The following DPYSL5 variants were observed in gnomAD, a reference collection of about 807,000 sequenced individuals.
DPYSL5 encodes the protein dihydropyrimidinase like 5, also known as dihydropyrimidinase-related protein 5.
A neutral mutation model predicts 58.4 loss-of-function variants in DPYSL5; 9 were observed. The ratio of observed to expected loss-of-function variants is 0.15; its 90% CI spans 0.09 to 0.27. DPYSL5 has a LOEUF of 0.27. DPYSL5 is among the 10% of genes least tolerant of loss of function. The pLI is 1.00. For missense variants in DPYSL5, 499 were observed against 770.6 expected (o/e 0.65, Z 4.17); for synonymous variants, 293 against 301.9 (o/e 0.97, Z 0.31).
In DPYSL5 at chr2:26,941,185, G is replaced by A. The variant is rs144633042; in HGVS notation, c.1090-765G>A. ...GATCTCTTGACCTCGTGATCCGCCC[G>A]TCTTGGCCTCCCAAAGTGCTGGGAT... On this transcript the variant is annotated intron_variant, in intron 9 of 12. Coordinates refer to ENST00000288699, the MANE Select transcript of DPYSL5 (RefSeq NM_020134.4). Among the ~76,000 whole-genome samples, 525 of 152,056 alleles carry A rather than the reference G, an allele frequency of 3.5e-3. 2 individuals carry two copies. The highest frequency in any genetic ancestry group is 0.012 in the African/African-American group (493 of 41,492).
chr2:26,946,819 C>A, intron 12 of DPYSL5, 91 bp from the exon 13 acceptor site: 1 of 934,166 alleles, frequency 1.1e-6, no homozygotes, highest in Non-Finnish European at 1.7e-6. Context: ...TCACTCAGGC[C>A]ATGCACACAG....
In DPYSL5 at chr2:26,940,157, C is replaced by A; in HGVS notation, c.1074C>A (p.Ile358=). 1 of 1,614,106 alleles carries A rather than the reference C, an allele frequency of 6.2e-7. No homozygotes were observed. Among genetic ancestry groups the A allele is most frequent in the Non-Finnish European group, 8.5e-7 (1 of 1,180,024 alleles). The change falls in exon 9 of 13, where the codon ATC becomes ATA. Residue 358 remains isoleucine, a synonymous_variant. Coordinates refer to ENST00000288699, the MANE Select transcript of DPYSL5 (RefSeq NM_020134.4). ...GCGTGCAGGACCGCATGAGCGTCATCTGGGAGAGAGGAGTGGTATGTTTCC... is the reference window on the plus strand; with the variant it reads ...GCGTGCAGGACCGCATGAGCGTCATATGGGAGAGAGGAGTGGTATGTTTCC... ...VSGVQDRMSV[I]WERGVVGGKM...
chr2:26,920,056 A>G (rs536553583), intron 2 of DPYSL5, among the ~76,000 whole-genome samples: 1 of 152,308 alleles, frequency 6.6e-6, no homozygotes, highest in East Asian at 1.9e-4. Flanking sequence ...TAAATTTTTA[A>G]ATGTTATGTG....
chr2:26,888,418 G>A (rs1663784712), intron 1 of DPYSL5, among the ~76,000 whole-genome samples: 1 of 151,898 alleles, frequency 6.6e-6, no homozygotes, highest in African/African-American at 2.4e-5. Flanking sequence ...TTACAGGTGC[G>A]TGGCACCATG....
intron 1 of DPYSL5, among the ~76,000 whole-genome samples, chr2:26,892,756 T>TGAGAGAGAGAGAGA (rs144430871): frequency 0.039 from 5,412 of 138,544 alleles, 167 homozygotes; most frequent in Non-Finnish European, 0.05. Context: ...TGGGTTTGTT[T>TGAGAGAGAGAGAGA]GAGAGAGAGA....
At chr2:26,936,984 C>T (rs192668477) in intron 8 of DPYSL5, among the ~76,000 whole-genome samples, 62 of 119,350 alleles carry the variant, frequency 5.2e-4, no homozygotes, top group Non-Finnish European at 9.0e-4. Context: ...AAGAATCAAC[C>T]TCCTTTTCAT....
intron 1 of DPYSL5, among the ~76,000 whole-genome samples, chr2:26,864,150 T>C (rs889367384): frequency 6.6e-6 from 1 of 152,092 alleles, no homozygotes; most frequent in African/African-American, 2.4e-5. Flanking sequence ...GAAGCTAAGG[T>C]GGAAGGATCA....
chr2:26,910,616 C>CTTTT (rs34929540), intron 2 of DPYSL5, among the ~76,000 whole-genome samples: 25 of 118,484 alleles, frequency 2.1e-4, no homozygotes, highest in African/African-American at 3.5e-4. Flanking sequence ...TCTTCTTCTT[C>CTTTT]TTTTTTTTTT....
rs551945001 is a variant in DPYSL5 at position 26,855,498 on chromosome 2, G to A, written c.-5+7244G>A. Among the ~76,000 whole-genome samples, 4 of 152,246 alleles carry A rather than the reference G, an allele frequency of 2.6e-5. No individual in the cohort carries two copies. The South Asian group carries it at 6.2e-4, about 24-fold the overall frequency. ...TGACTAGATTCTTTTGGAAAGAAAG[G>A]AGAACTTCTGCATTCTGAATTGTGC... On this transcript the variant is annotated intron_variant, in intron 1 of 12. Coordinates refer to ENST00000288699, the MANE Select transcript of DPYSL5 (RefSeq NM_020134.4).
chr2:26,900,717 C>T (rs2148138626), intron 2 of DPYSL5, among the ~76,000 whole-genome samples: 1 of 152,244 alleles, frequency 6.6e-6, no homozygotes, highest in Non-Finnish European at 1.5e-5. Context: ...GTAAGAGAGG[C>T]CACAGTATTT....
intron 12 of DPYSL5, among the ~76,000 whole-genome samples, chr2:26,946,351 C>T (rs975620397): frequency 6.6e-6 from 1 of 152,134 alleles, no homozygotes; most frequent in African/African-American, 2.4e-5. Flanking sequence ...TGAAGAATGT[C>T]CCACTGGGCT....
chr2:26,911,208 T>G (rs890080908), intron 2 of DPYSL5, among the ~76,000 whole-genome samples: 2 of 152,178 alleles, frequency 1.3e-5, no homozygotes, highest in Non-Finnish European at 2.9e-5. Flanking sequence ...TCTCTTCTTT[T>G]GATCTGTTTG....
In DPYSL5 at chr2:26,942,054, C is replaced by T. The variant is rs202116000; in HGVS notation, c.1194C>T (p.Ala398=). ...YPRKGRIIPG[A]DADVVVWDPE... is the part of the protein sequence containing the mutation. The stretch of plus-strand genomic sequence containing the variant: ...GCAAGGGCCGCATTATTCCCGGAGC[C>T]GATGCTGATGTGGTGGTGTGGGACC... Residue 398 remains alanine (A), a synonymous_variant, in exon 10 of 13, where the codon GCC becomes GCT. Coordinates refer to ENST00000288699, the MANE Select transcript of DPYSL5 (RefSeq NM_020134.4). This position sits in a 1 kb window ranked among gnomAD's most constrained non-coding sequence, Gnocchi z 5.9. 500 of 1,614,024 alleles carry T rather than the reference C, an allele frequency of 3.1e-4. 2 individuals carry two copies. The highest frequency in any genetic ancestry group is 3.8e-4 in the Non-Finnish European group (453 of 1,180,048).
rs1052819638 is a variant in DPYSL5, at chr2:26,924,034, A to G, written c.262-853A>G. On this transcript the variant is annotated intron_variant, in intron 2 of 12. Coordinates refer to ENST00000288699, the MANE Select transcript of DPYSL5 (RefSeq NM_020134.4). The surrounding 1 kb of genome is among the most constrained non-coding windows in gnomAD (Gnocchi z 4.7). ...CCTGAAATAGCCTTTGATCGATGCT[A>G]GTTTTGGAACTTCACAGAAGTCCCC... 6.6e-6 allele frequency among the ~76,000 whole-genome samples: 1 copy of G among 152,198 alleles called. No individual in the cohort carries two copies. Among genetic ancestry groups the G allele is most frequent in the African/African-American group, 2.4e-5 (1 of 41,438 alleles).
chr2:26,868,843 A>G (rs751067865), intron 1 of DPYSL5, among the ~76,000 whole-genome samples: 2 of 152,212 alleles, frequency 1.3e-5, no homozygotes, highest in Non-Finnish European at 2.9e-5. Context: ...TCACTTCTAT[A>G]TACTAATTTG....
At chr2:26,908,046 T>C (rs1458733936) in intron 2 of DPYSL5, among the ~76,000 whole-genome samples, 1 of 152,214 alleles carries the variant, frequency 6.6e-6, no homozygotes, top group East Asian at 1.9e-4. Flanking sequence ...ATCTCTCTGT[T>C]CCTCCATTGT....
At chr2:26,923,849 G>A (rs1264799253) in intron 2 of DPYSL5, among the ~76,000 whole-genome samples, 4 of 151,922 alleles carry the variant, frequency 2.6e-5, no homozygotes, top group Non-Finnish European at 4.4e-5. Flanking sequence ...TTGTAGAGAC[G>A]GGGCTTCACC....
intron 1 of DPYSL5, among the ~76,000 whole-genome samples, chr2:26,848,769 C>G (rs1425385914): frequency 6.6e-6 from 1 of 152,202 alleles, no homozygotes; most frequent in Non-Finnish European, 1.5e-5. Context: ...TGGACCCGAC[C>G]CGGCGGTCTG....
chr2:26,926,739 T>A (rs1664837804), intron 3 of DPYSL5, among the ~76,000 whole-genome samples: 1 of 152,222 alleles, frequency 6.6e-6, no homozygotes, highest in Non-Finnish European at 1.5e-5. Context: ...CTTATTTTCC[T>A]GTTATCAGGC....
Sources: allele counts gnomAD v4.1 joint callset (sites outside exome capture counted in the v4.1 genomes callset), GRCh38; gene constraint gnomAD v4.1.1; non-coding constraint Gnocchi (gnomAD v3.1); transcripts MANE v1.5; gene names NCBI Gene and HGNC (gene_info 2026-07-23, HGNC 2026-07-21).